SLC19A1: variants seen among roughly 807,000 people sequenced by gnomAD.
SLC19A1 encodes the protein solute carrier family 19 member 1.
In SLC19A1, 37 loss-of-function variants were observed where a neutral mutation model predicts 35.3. The ratio of observed to expected loss-of-function variants is 1.05; its 90% CI spans 0.81 to 1.38. SLC19A1 has a LOEUF of 1.38. Ranked by LOEUF, SLC19A1 falls within the 40% of genes most tolerant of loss-of-function variation. SLC19A1 has a pLI of 0.00. For synonymous variants in SLC19A1, 460 were observed against 398.5 expected, an observed-to-expected ratio of 1.15 and a Z score of -1.84; for missense variants, 831 against 826.9, an observed-to-expected ratio of 1.00 and a Z score of -0.06.
chr21:45,511,040 CCCCCCACAAACA>C (rs2146138596), downstream of SLC19A1: 1 of 438,590 alleles, frequency 2.3e-6, no homozygotes. Flanking sequence ...ATCCACACAC[CCCCCCACAAACA>C]CCCACACCCA....
chr21:45,507,892 A>C (rs2037317881), downstream of SLC19A1, among the ~76,000 whole-genome samples: 1 of 152,232 alleles, frequency 6.6e-6, no homozygotes, highest in Non-Finnish European at 1.5e-5. Context: ...CCTTGGGGCC[A>C]AAATCCACAT....
chr21:45,510,443 G>A (rs2037512992), downstream of SLC19A1, among the ~76,000 whole-genome samples: 1 of 152,182 alleles, frequency 6.6e-6, no homozygotes, highest in Admixed American at 6.5e-5. Context: ...GCTCAGGCCA[G>A]GCCTCTGCAT....
chr21:45,529,351 C>T (rs144944011), intron 4 of SLC19A1, among the ~76,000 whole-genome samples: 145 of 152,292 alleles, frequency 9.5e-4, no homozygotes, highest in Middle Eastern at 3.4e-3. Flanking sequence ...CAAACAGGCT[C>T]GTGACCAGCA....
upstream of SLC19A1, among the ~76,000 whole-genome samples, chr21:45,543,336 A>G (rs2078368397): frequency 6.6e-6 from 1 of 152,206 alleles, no homozygotes; most frequent in Admixed American, 6.5e-5. Context: ...AGGGAAGCCA[A>G]GCCGAGGGCT....
At chr21:45,511,996 GTCTGGGAGATGCAGCCCCCT>G (rs1568956562), downstream of SLC19A1, among the ~76,000 whole-genome samples, 1 of 152,198 alleles carries the variant, frequency 6.6e-6, no homozygotes, top group African/African-American at 2.4e-5. Context: ...ATGGGGGGCA[GTCTGGGAGATGCAGCCCCCT>G]CCACAGGCAG....
intron 5 of SLC19A1, among the ~76,000 whole-genome samples, chr21:45,520,743 G>A (rs118127630): frequency 0.019 from 2,857 of 152,220 alleles, 42 homozygotes; most frequent in Non-Finnish European, 0.028. Flanking sequence ...GACACTAGCC[G>A]GGCATGGTGG....
intron 3 of SLC19A1, chr21:45,505,734 C>T: frequency 1.0e-6 from 1 of 960,502 alleles, no homozygotes; most frequent in Non-Finnish European, 1.6e-6. Flanking sequence ...CTGTCCAAAG[C>T]CCTGCGGCCC....
rs758964210 is a variant in SLC19A1, at chr21:45,515,890, G to A, written c.1544C>T (p.Ser515Phe). 6 of 1,562,772 alleles carry A rather than the reference G, an allele frequency of 3.8e-6. No individual in the cohort carries two copies. Among genetic ancestry groups the A allele is most frequent in the East Asian group, 2.3e-5 (1 of 43,590 alleles). ...EDSLGAVGPA[S>F]LEQRQSDPYL... ...TGGGTCGCTCTGTCTCTGCTCCAGG[G>A]AGGCTGGCCCCACAGCCCCCAGGCT... The change falls in exon 6 of 6, where the codon TCC becomes TTC. Residue 515 changes from serine (S) to phenylalanine (F), a missense_variant. By Grantham distance (155) the Ser-to-Phe change is radical. Transcript: ENST00000311124.
chr21:45,504,093 C>G (rs761065347), intron 3 of SLC19A1: 1 of 1,601,546 alleles, frequency 6.2e-7, no homozygotes, highest in African/African-American at 1.3e-5. Flanking sequence ...CCCCCAAGGT[C>G]CTGTACATCC....
At chr21:45,542,027 C>T (rs1306543014) in intron 1 of SLC19A1, among the ~76,000 whole-genome samples, 1 of 151,322 alleles carries the variant, frequency 6.6e-6, no homozygotes, top group African/African-American at 2.4e-5. Flanking sequence ...GGCCCACGCC[C>T]CGCACCCTCC....
At position 45,514,122 on chromosome 21, in the gene SLC19A1, G is replaced by C. The variant is rs906474401; in HGVS notation, c.*1536C>G. ...TGCGGAGGGAGCAGGCCCTCAGGTT[G>C]GGGAGGCGCTGGGAGGAGGATTCTG... On this transcript the variant is annotated 3_prime_UTR_variant, in exon 6 of 6. Coordinates refer to ENST00000311124, the MANE Select transcript of SLC19A1 (RefSeq NM_194255.4). 1 of 152,686 alleles carries C rather than the reference G, an allele frequency of 6.5e-6. No individual in the cohort carries two copies. The highest frequency in any genetic ancestry group is 2.4e-5 in the African/African-American group (1 of 41,460). The allele number at this position is 152,686 out of a possible 1,614,324, so 9.5% of individuals were successfully genotyped here.
chr21:45,523,694 G>A (rs889243656), intron 5 of SLC19A1, among the ~76,000 whole-genome samples: 2 of 152,200 alleles, frequency 1.3e-5, no homozygotes, highest in African/African-American at 4.8e-5. Context: ...GGCGGCAACG[G>A]TAGTCAGGGG....
chr21:45,549,258 C>A (rs2078441975), upstream of SLC19A1, among the ~76,000 whole-genome samples: 1 of 152,130 alleles, frequency 6.6e-6, no homozygotes, highest in South Asian at 2.1e-4. Flanking sequence ...AGAGTCCAGC[C>A]TGGGAAAGTC....
chr21:45,555,711 C>A (rs554273595), intron 1 of SLC19A1, among the ~76,000 whole-genome samples: 1 of 152,146 alleles, frequency 6.6e-6, no homozygotes, highest in South Asian at 2.1e-4. Context: ...CGTAGCCTCC[C>A]GAGCAGGGTG....
At position 45,517,675 on chromosome 21, in the gene SLC19A1, G is replaced by T. The variant is rs996600785; in HGVS notation, c.1294-1535C>A. Among the ~76,000 whole-genome samples, 1 of 152,032 alleles carries T rather than the reference G, an allele frequency of 6.6e-6. No homozygotes were observed. The highest frequency in any genetic ancestry group is 1.5e-5 in the Non-Finnish European group (1 of 68,004). ...CTGTCCTGTCCCCCTCCATGCTGGG[G>T]GGTGTCAGAGGAGGTCAAGCGGGAG... On this transcript the variant is annotated intron_variant, in intron 5 of 5. Transcript: ENST00000311124. This position sits in a 1 kb window ranked among gnomAD's most constrained non-coding sequence, Gnocchi z 4.4.
At position 45,531,432 on chromosome 21, in the gene SLC19A1, C is replaced by A. The variant is rs539694814; in HGVS notation, c.906G>T (p.Ala302=). 19 of 1,609,220 alleles carry A rather than the reference C, an allele frequency of 1.2e-5. No individual in the cohort carries two copies. Among genetic ancestry groups the A allele is most frequent in the Admixed American group, 5.0e-5 (3 of 59,710 alleles). The change falls in exon 3 of 6, where the codon GCG becomes GCT. Residue 302 remains alanine (A), a synonymous_variant. Coordinates refer to ENST00000311124, the MANE Select transcript of SLC19A1 (RefSeq NM_194255.4). ...WNEVDPTTNS[A]RVYNGAADAA... ...CATCTGCCGCGCCGTTGTAGACCCG[C>A]GCACTGTTGGTGGTGGGGTCCACCT... is the stretch of plus-strand genomic sequence containing the variant.
In SLC19A1 at chr21:45,537,816, G is replaced by A. The variant is rs778814377; in HGVS notation, c.144C>T (p.Ile48=). 1.6e-5 allele frequency: 25 copies of A among 1,598,020 alleles called. No individual in the cohort carries two copies. The highest frequency in any genetic ancestry group is 3.3e-4 in the Middle Eastern group (2 of 6,014). ...MAQIRPGESF[I]TPYLLGPDKN... ...TGTCGGGCCCCAGGAGGTAGGGGGT[G>A]ATGAAGCTCTCCCCTGGCCGTATCT... Residue 48 remains isoleucine, a synonymous_variant, in exon 2 of 6, where the codon ATC becomes ATT. Coordinates refer to ENST00000311124, the MANE Select transcript of SLC19A1 (RefSeq NM_194255.4).
rs1036353776 is a variant in SLC19A1, at chr21:45,533,411, C to T, written c.190-1263G>A. Among the ~76,000 whole-genome samples, 2 of 148,064 alleles carry T rather than the reference C, an allele frequency of 1.4e-5. No homozygotes were observed. Among genetic ancestry groups the T allele is most frequent in the African/African-American group, 5.3e-5 (2 of 37,804 alleles). On this transcript the variant is annotated intron_variant, in intron 2 of 5. Transcript: ENST00000311124. This position sits in a 1 kb window ranked among gnomAD's most constrained non-coding sequence, Gnocchi z 4.5. ...GCAGGGGCCAGGGCTGCTGTGGGCA[C>T]ACCTGGGCACACCTGGGCACAGTCC...
At chr21:45,523,111 T>A (rs932001017) in intron 5 of SLC19A1, among the ~76,000 whole-genome samples, 1 of 152,096 alleles carries the variant, frequency 6.6e-6, no homozygotes, top group African/African-American at 2.4e-5. Context: ...CCATGCTCCA[T>A]CACGGCTCCC....
Sources: allele counts gnomAD v4.1 joint callset (sites outside exome capture counted in the v4.1 genomes callset), GRCh38; gene constraint gnomAD v4.1.1; non-coding constraint Gnocchi (gnomAD v3.1); transcripts MANE v1.5; gene names NCBI Gene and HGNC (gene_info 2026-07-23, HGNC 2026-07-21).